GLI3: variants seen among roughly 807,000 people sequenced by gnomAD.
The protein encoded by GLI3 is transcription activator GLI3.
A neutral mutation model predicts 100.8 loss-of-function variants in GLI3; 20 were observed. That is an observed-to-expected ratio of 0.20 (90% confidence interval 0.14 to 0.29). The LOEUF is 0.29. Ranked by LOEUF, GLI3 falls within the 10% of genes least tolerant of loss-of-function variation. The probability of loss-of-function intolerance (pLI) is 1.00; values close to 1 mark genes in which losing one functional copy is unlikely to be tolerated. For synonymous variants in GLI3, 938 were observed against 860.5 expected, an observed-to-expected ratio of 1.09 and a Z score of -1.58; for missense variants, 2,040 against 2,128.5, an observed-to-expected ratio of 0.96 and a Z score of 0.82.
At chr7:42,106,809 T>A (rs1785586557) in intron 3 of GLI3, among the ~76,000 whole-genome samples, 1 of 152,166 alleles carries the variant, frequency 6.6e-6, no homozygotes, top group African/African-American at 2.4e-5. Flanking sequence ...TTGTTTGCTA[T>A]TTTCCAGTGT....
At chr7:42,010,851 G>A (rs1298772979) in intron 10 of GLI3, among the ~76,000 whole-genome samples, 3 of 152,136 alleles carry the variant, frequency 2.0e-5, no homozygotes, top group African/African-American at 7.2e-5. Context: ...TTTTAGCCTT[G>A]CTAGACCTCC....
rs889755017 is a variant in GLI3 at position 42,059,724 on chromosome 7, C to T, written c.474-11028G>A. Among the ~76,000 whole-genome samples the T allele has an allele frequency of 3.3e-5, 5 of 152,190 alleles. No homozygotes were observed. The East Asian group carries it at 9.6e-4, about 29-fold the overall frequency. ...TTGGATTCTGTGACATCTGATGGGG[C>T]TCTGTTTTCTAGACAGTTTCCTAAC... On this transcript the variant is annotated intron_variant, in intron 4 of 14. Coordinates refer to ENST00000395925, the MANE Select transcript of GLI3 (RefSeq NM_000168.6).
intron 7 of GLI3, among the ~76,000 whole-genome samples, chr7:42,038,177 T>C (rs6954809): frequency 0.01 from 1,540 of 152,338 alleles, 37 homozygotes; most frequent in African/African-American, 0.035. Context: ...TGTCAGTCTA[T>C]GACCCAGGAA....
Position 42,023,615 on chromosome 7 carries a change from G to C in GLI3, c.1357-7C>G. 1.9e-6 allele frequency: 3 copies of C among 1,539,874 alleles called. No individual in the cohort carries two copies. Among genetic ancestry groups the C allele is most frequent in the Non-Finnish European group, 2.7e-6 (3 of 1,114,380 alleles). ...TTGTTCCTTCGGGCTGTTCCTGAAA[G>C]AAGAGGGTGGGGGGCAGGGAACAGA... On this transcript the variant is annotated splice_region_variant and splice_polypyrimidine_tract_variant and intron_variant, in intron 9 of 14. Transcript: ENST00000395925.
chr7:42,116,414 T>C (rs752683432), intron 3 of GLI3, among the ~76,000 whole-genome samples: 122 of 149,422 alleles, frequency 8.2e-4, no homozygotes, highest in African/African-American at 2.8e-3. Context: ...TGAAACTGGG[T>C]GAATAAACTA....
intron 3 of GLI3, among the ~76,000 whole-genome samples, chr7:42,147,143 A>C (rs902563467): frequency 2.0e-5 from 3 of 152,182 alleles, no homozygotes; most frequent in Non-Finnish European, 2.9e-5. Flanking sequence ...GCGGTTGCTG[A>C]GACTTAAGGT....
chr7:42,006,635 C>G (rs1788467650), intron 10 of GLI3, among the ~76,000 whole-genome samples: 1 of 152,092 alleles, frequency 6.6e-6, no homozygotes, highest in African/African-American at 2.4e-5. Flanking sequence ...GACTACAACT[C>G]CTAATTTTGG....
chr7:42,196,435 G>A (rs1407563168), intron 2 of GLI3, among the ~76,000 whole-genome samples: 1 of 152,150 alleles, frequency 6.6e-6, no homozygotes, highest in Admixed American at 6.5e-5. Flanking sequence ...CCTGATTAAC[G>A]TTGCATTGCA....
intron 1 of GLI3, among the ~76,000 whole-genome samples, chr7:42,232,491 C>T (rs536953513): frequency 3.8e-4 from 57 of 151,842 alleles, no homozygotes; most frequent in Middle Eastern, 3.4e-3. Flanking sequence ...TGGCTGGGCC[C>T]GGGCAGACAA....
intron 1 of GLI3, among the ~76,000 whole-genome samples, chr7:42,259,422 G>C (rs1789117539): frequency 1.3e-5 from 2 of 152,156 alleles, no homozygotes; most frequent in South Asian, 4.1e-4. Context: ...GCTGTTCCTA[G>C]TTAAGCTCTA....
At chr7:42,053,586 A>G (rs1005932349) in intron 4 of GLI3, among the ~76,000 whole-genome samples, 7 of 152,232 alleles carry the variant, frequency 4.6e-5, no homozygotes, top group Non-Finnish European at 8.8e-5. Context: ...AGTGCCAGGA[A>G]AAAAACTGTG....
intron 2 of GLI3, chr7:42,152,455 CCTCCCT>C (rs1003006767): frequency 7.1e-5 from 69 of 976,748 alleles, no homozygotes; most frequent in East Asian, 1.1e-4. Context: ...TATCTCTCTG[CCTCCCT>C]CTCCCTCTCC....
intron 2 of GLI3, among the ~76,000 whole-genome samples, chr7:42,184,939 C>A (rs1267211407): frequency 1.3e-5 from 2 of 152,148 alleles, no homozygotes; most frequent in East Asian, 3.9e-4. Context: ...CCTCTCTTCC[C>A]CAGATGCCTG....
chr7:42,091,594 C>T (rs1269779569), intron 3 of GLI3, among the ~76,000 whole-genome samples: 2 of 152,210 alleles, frequency 1.3e-5, no homozygotes, highest in African/African-American at 2.4e-5. Context: ...CTTGTTTAGA[C>T]CGAACACAGC....
intron 2 of GLI3, among the ~76,000 whole-genome samples, chr7:42,192,322 C>T (rs1459013195): frequency 6.6e-6 from 1 of 152,138 alleles, no homozygotes; most frequent in African/African-American, 2.4e-5. Context: ...ACTGGAATCT[C>T]CACACTTGGG....
chr7:42,000,647 AT>A (rs1279258327), intron 10 of GLI3, among the ~76,000 whole-genome samples: 1 of 152,168 alleles, frequency 6.6e-6, no homozygotes, highest in African/African-American at 2.4e-5. Context: ...AATGATGCCT[AT>A]AAAAAAAGAA....
At chr7:42,171,618 C>T (rs2330413) in intron 2 of GLI3, among the ~76,000 whole-genome samples, 26,355 of 152,054 alleles carry the variant, frequency 0.17, 2,272 homozygotes, top group Admixed American at 0.19. Context: ...ACAGAAAATG[C>T]GGGGAGAAAA....
chr7:42,023,432 G>T (rs979206910), intron 10 of GLI3, 36 bp downstream of exon 10: 9 of 1,611,564 alleles, frequency 5.6e-6, no homozygotes, highest in Admixed American at 1.7e-5. Flanking sequence ...GTGTCACAGA[G>T]CTGTAAAGCT....
intron 4 of GLI3, among the ~76,000 whole-genome samples, chr7:42,064,749 A>C (rs374471467): frequency 9.8e-5 from 15 of 152,342 alleles, no homozygotes; most frequent in African/African-American, 3.6e-4. Context: ...TTCTGTTTGC[A>C]GAGCCCACTC....
Sources: allele counts gnomAD v4.1 joint callset (sites outside exome capture counted in the v4.1 genomes callset), GRCh38; gene constraint gnomAD v4.1.1; transcripts MANE v1.5; gene names NCBI Gene and HGNC (gene_info 2026-07-23, HGNC 2026-07-21).